Variants in CFAP299 observed in about 807,000 individuals in gnomAD.
CFAP299 encodes the protein cilia and flagella associated protein 299.
CFAP299 carries 21 observed loss-of-function variants against 27.0 expected under a neutral mutation model. The ratio of observed to expected loss-of-function variants is 0.78; its 90% CI spans 0.55 to 1.12. CFAP299 has a LOEUF of 1.12. Among genes scored for constraint, CFAP299 ranks in the 50% most tolerant of loss-of-function variants. CFAP299 has a pLI of 0.00. For missense variants in CFAP299, 310 were observed against 276.6 expected, an observed-to-expected ratio of 1.12 and a Z score of -0.86; for synonymous variants, 104 against 98.1, an observed-to-expected ratio of 1.06 and a Z score of -0.36.
intron 2 of CFAP299, among the ~76,000 whole-genome samples, chr4:80,489,774 C>T (rs1027122299): frequency 6.6e-6 from 1 of 152,162 alleles, no homozygotes; most frequent in Non-Finnish European, 1.5e-5. Flanking sequence ...ACATGCATAT[C>T]GTTATGATCT....
intron 1 of CFAP299, among the ~76,000 whole-genome samples, chr4:80,344,242 G>C: frequency 6.6e-6 from 1 of 151,310 alleles, no homozygotes; most frequent in African/African-American, 2.4e-5. Context: ...AAGATAGATA[G>C]ACTGCTACCT....
chr4:80,751,251 T>C (rs1724913700), intron 3 of CFAP299, among the ~76,000 whole-genome samples: 2 of 152,044 alleles, frequency 1.3e-5, no homozygotes, highest in African/African-American at 4.8e-5. Context: ...TGAACACACC[T>C]GTAGGAGGTG....
intron 1 of CFAP299, among the ~76,000 whole-genome samples, chr4:80,337,053 C>A (rs1456523482): frequency 6.6e-6 from 1 of 152,118 alleles, no homozygotes; most frequent in African/African-American, 2.4e-5. Flanking sequence ...TAGCTCCTGG[C>A]TTCAAAAGCA....
rs140520844 is a variant in CFAP299, at chr4:80,884,547, C to A, written c.476+14412C>A. ...GTGTGTAGCAATAAACACCTACATT[C>A]AGAAAAAACAAAATATTTCAAATAA... On this transcript the variant is annotated intron_variant, in intron 4 of 5. Coordinates refer to ENST00000358105, the MANE Select transcript of CFAP299 (RefSeq NM_152770.3). 2.7e-3 allele frequency among the ~76,000 whole-genome samples: 406 copies of A among 150,618 alleles called. 5 individuals carry two copies. The highest frequency in any genetic ancestry group is 9.3e-3 in the African/African-American group (381 of 41,060).
At chr4:80,866,375 A>AC (rs1405661399) in intron 3 of CFAP299, among the ~76,000 whole-genome samples, 9 of 152,132 alleles carry the variant, frequency 5.9e-5, no homozygotes, top group African/African-American at 2.2e-4. Context: ...AGGGCAGATG[A>AC]CCCTGACAGC....
chr4:80,490,119 T>A (rs11933863), intron 2 of CFAP299, among the ~76,000 whole-genome samples: 11,549 of 152,234 alleles, frequency 0.076, 631 homozygotes, highest in East Asian at 0.25. Context: ...GTCCTCCTAA[T>A]TGTAACTTGA....
rs565932233 is a variant in CFAP299, at chr4:80,448,938, A to G, written c.242+86054A>G. On this transcript the variant is annotated intron_variant, in intron 2 of 5. Transcript: ENST00000358105. ...GGACAGAAATATATCCCAAGTGGCC[A>G]TCTAATCTCCTACCTCCTCATGGGC... is the stretch of plus-strand genomic sequence containing the variant. Among the ~76,000 whole-genome samples, 136 of 152,324 alleles carry G rather than the reference A, an allele frequency of 8.9e-4. 1 individual carries two copies. Among genetic ancestry groups the G allele is most frequent in the African/African-American group, 3.2e-3 (134 of 41,574 alleles).
In CFAP299 at chr4:80,574,469, T is replaced by C. The variant is rs537794336; in HGVS notation, c.243-8624T>C. Among the ~76,000 whole-genome samples, 3 of 152,292 alleles carry C rather than the reference T, an allele frequency of 2.0e-5. No homozygotes were observed. In the South Asian group the frequency reaches 6.2e-4, roughly 32 times the overall value. ...CCCTTATTTCTTTTTCTTTTCTGATTGCTCTAGCTAGGACTTCCAGTACTA... is the reference window on the plus strand; with the variant it reads ...CCCTTATTTCTTTTTCTTTTCTGATCGCTCTAGCTAGGACTTCCAGTACTA... On this transcript the variant is annotated intron_variant, in intron 2 of 5. Coordinates refer to ENST00000358105, the MANE Select transcript of CFAP299 (RefSeq NM_152770.3).
intron 3 of CFAP299, among the ~76,000 whole-genome samples, chr4:80,793,477 C>T (rs943932284): frequency 5.3e-5 from 8 of 151,210 alleles, no homozygotes; most frequent in Non-Finnish European, 1.2e-4. Context: ...TAATTTGTAT[C>T]CTTCAATCCA....
chr4:80,385,812 C>G (rs1724943882), intron 2 of CFAP299, among the ~76,000 whole-genome samples: 2 of 152,260 alleles, frequency 1.3e-5, no homozygotes, highest in Non-Finnish European at 2.9e-5. Flanking sequence ...TAGAGCCCAC[C>G]TGGAGGCAGC....
intron 2 of CFAP299, among the ~76,000 whole-genome samples, chr4:80,482,140 G>C (rs1212406605): frequency 6.6e-6 from 1 of 151,784 alleles, no homozygotes; most frequent in East Asian, 1.9e-4. Context: ...TAGAATATAA[G>C]GAAAGATTTT....
intron 3 of CFAP299, among the ~76,000 whole-genome samples, chr4:80,840,954 A>G (rs553932089): frequency 3.0e-4 from 45 of 152,250 alleles, no homozygotes; most frequent in South Asian, 6.2e-4. Flanking sequence ...TGACAAAACT[A>G]GAAGTAGATG....
At chr4:80,408,861 G>A (rs11929913) in intron 2 of CFAP299, among the ~76,000 whole-genome samples, 28,795 of 150,988 alleles carry the variant, frequency 0.19, 2,899 homozygotes, top group South Asian at 0.29. Flanking sequence ...TCATTGTAAC[G>A]TTTTTATTTT....
At chr4:80,662,665 T>C (rs1740917480) in intron 3 of CFAP299, among the ~76,000 whole-genome samples, 1 of 152,176 alleles carries the variant, frequency 6.6e-6, no homozygotes, top group African/African-American at 2.4e-5. Context: ...TGTGAATAGA[T>C]TGGCAGTGTA....
At chr4:80,388,857 T>G (rs1457638437) in intron 2 of CFAP299, 4 of 348,830 alleles carry the variant, frequency 1.1e-5, no homozygotes, top group Non-Finnish European at 2.1e-5. Flanking sequence ...TTTTTCTTTC[T>G]TTTTAAATTA....
At chr4:80,752,969 A>G (rs1224362302) in intron 3 of CFAP299, among the ~76,000 whole-genome samples, 1 of 152,080 alleles carries the variant, frequency 6.6e-6, no homozygotes, top group African/African-American at 2.4e-5. Flanking sequence ...TACATATGCA[A>G]TAACACATAA....
At chr4:80,397,177 T>C (rs1328084233) in intron 2 of CFAP299, among the ~76,000 whole-genome samples, 1 of 152,170 alleles carries the variant, frequency 6.6e-6, no homozygotes, top group Non-Finnish European at 1.5e-5. Flanking sequence ...TAGAGGTGTT[T>C]ATAGTATTAT....
intron 3 of CFAP299, among the ~76,000 whole-genome samples, chr4:80,700,169 G>A (rs912836529): frequency 2.0e-5 from 3 of 152,064 alleles, no homozygotes; most frequent in Non-Finnish European, 4.4e-5. Flanking sequence ...AGTTAAATGT[G>A]TAGTTTCCGA....
chr4:80,730,246 C>CTG lies in CFAP299; in HGVS notation c.334-139746_334-139745insGT, dbSNP rs1246881788. Among the ~76,000 whole-genome samples the CTG allele has an allele frequency of 4.3e-3, 577 of 134,812 alleles. 2 individuals are homozygous for CTG. Among genetic ancestry groups the CTG allele is most frequent in the Admixed American group, 8.1e-3 (101 of 12,458 alleles). 88.4% of individuals were successfully genotyped at this position (134,812 alleles called of 152,430 possible). On this transcript the variant is annotated intron_variant, in intron 3 of 5. Transcript: ENST00000358105. ...TCTCTCTTTCTCTCTCTCTCTCTCT[C>CTG]TCTGTGTGTGTGTGTGTGTGTGTGT...
Sources: allele counts gnomAD v4.1 joint callset (sites outside exome capture counted in the v4.1 genomes callset), GRCh38; gene constraint gnomAD v4.1.1; transcripts MANE v1.5; gene names NCBI Gene and HGNC (gene_info 2026-07-23, HGNC 2026-07-21).